Variants in COBL observed in about 807,000 individuals in gnomAD.
COBL encodes the protein protein cordon-bleu.
COBL carries 51 observed loss-of-function variants against 98.8 expected under a neutral mutation model. That is an observed-to-expected ratio of 0.52 (90% CI 0.41 to 0.65). The LOEUF (loss-of-function observed/expected upper bound fraction) is 0.65. Among genes scored for constraint, COBL ranks in the 30% least tolerant of loss-of-function variants. COBL has a pLI of 0.00. For missense variants in COBL, 1,617 were observed against 1,617.5 expected (o/e 1.00, Z 0.01); for synonymous variants, 634 against 651.7 (o/e 0.97, Z 0.41).
chr7:51,307,653 A>C (rs1370525714), intron 1 of COBL, among the ~76,000 whole-genome samples: 1 of 152,246 alleles, frequency 6.6e-6, no homozygotes, highest in East Asian at 1.9e-4. Flanking sequence ...CCAAACTGAC[A>C]TATTTTTCAG....
intron 2 of COBL, among the ~76,000 whole-genome samples, chr7:51,202,084 G>A (rs1584151002): frequency 6.6e-6 from 1 of 152,282 alleles, no homozygotes; most frequent in Admixed American, 6.5e-5. Context: ...TTGTGTTTCA[G>A]TCACCCTTAC....
chr7:51,034,941 C>T (rs994584600), intron 8 of COBL: 1 of 152,210 alleles, frequency 6.6e-6, no homozygotes, highest in Non-Finnish European at 1.5e-5. Flanking sequence ...GTTATTTTCT[C>T]ACACGGAGTT....
At chr7:51,245,871 T>C (rs1489658781) in intron 1 of COBL, among the ~76,000 whole-genome samples, 1 of 152,212 alleles carries the variant, frequency 6.6e-6, no homozygotes, top group African/African-American at 2.4e-5. Context: ...TATCAAATTA[T>C]GCAAAACAAA....
chr7:51,249,755 C>T (rs995368742), intron 1 of COBL, among the ~76,000 whole-genome samples: 2 of 152,144 alleles, frequency 1.3e-5, no homozygotes, highest in African/African-American at 4.8e-5. Context: ...CTAAACTGGG[C>T]ACAGAGGCTC....
chr7:51,118,831 G>A (rs1047163008), intron 6 of COBL, among the ~76,000 whole-genome samples: 3 of 152,058 alleles, frequency 2.0e-5, no homozygotes, highest in Admixed American at 6.6e-5. Flanking sequence ...AGCAAACTAC[G>A]CTCTACACTG....
At chr7:51,069,244 G>C (rs773840009) in intron 7 of COBL, among the ~76,000 whole-genome samples, 1 of 152,190 alleles carries the variant, frequency 6.6e-6, no homozygotes, top group Non-Finnish European at 1.5e-5. Context: ...GCAGAAACAG[G>C]CCAGAGATAC....
At chr7:51,267,384 G>A (rs1033803353) in intron 1 of COBL, among the ~76,000 whole-genome samples, 1 of 152,092 alleles carries the variant, frequency 6.6e-6, no homozygotes, top group African/African-American at 2.4e-5. Flanking sequence ...ACCTGCACTG[G>A]TGAGCAGGGG....
intron 1 of COBL, among the ~76,000 whole-genome samples, chr7:51,304,297 C>T (rs1441483465): frequency 6.6e-6 from 1 of 152,230 alleles, no homozygotes; most frequent in Admixed American, 6.5e-5. Context: ...TCTAACAAAG[C>T]TCTTCCAGTG....
rs114334021 is a variant in COBL, at chr7:51,219,143, A to C, written c.245+598T>G. 3.3e-3 allele frequency among the ~76,000 whole-genome samples: 503 copies of C among 152,356 alleles called. 4 individuals carry two copies. Among genetic ancestry groups the C allele is most frequent in the African/African-American group, 0.012 (482 of 41,582 alleles). ...GCCGCACCTTTTGTGAGTGAAGTGC[A>C]GTGAGACACTCAGCCACGGGCAGAT... On this transcript the variant is annotated intron_variant, in intron 2 of 12. Coordinates refer to ENST00000265136, the MANE Select transcript of COBL (RefSeq NM_015198.5).
intron 1 of COBL, among the ~76,000 whole-genome samples, chr7:51,304,773 C>T (rs945135065): frequency 1.3e-5 from 2 of 152,132 alleles, no homozygotes; most frequent in Non-Finnish European, 2.9e-5. Context: ...TGTGACAGGC[C>T]CTCCACTGAT....
intron 1 of COBL, among the ~76,000 whole-genome samples, chr7:51,298,342 G>T (rs1801610848): frequency 6.6e-6 from 1 of 152,248 alleles, no homozygotes. Flanking sequence ...CGTAGCAATA[G>T]GTAACTACTA....
chr7:51,226,360 T>C (rs1331498610), intron 1 of COBL, among the ~76,000 whole-genome samples: 1 of 152,186 alleles, frequency 6.6e-6, no homozygotes, highest in Admixed American at 6.5e-5. Context: ...CTTCATCCTG[T>C]TTACAAGCGG....
At chr7:51,303,630 T>A (rs1032560611) in intron 1 of COBL, among the ~76,000 whole-genome samples, 10 of 152,202 alleles carry the variant, frequency 6.6e-5, no homozygotes, top group Admixed American at 6.5e-4. Flanking sequence ...ATGAAGTTAA[T>A]GTGCCTGGGA....
intron 1 of COBL, among the ~76,000 whole-genome samples, chr7:51,229,101 C>A (rs1027303416): frequency 1.3e-5 from 2 of 152,154 alleles, no homozygotes; most frequent in Admixed American, 6.5e-5. Context: ...GGCTTTCTAC[C>A]GCACAGCCAA....
At position 51,027,902 on chromosome 7, in the gene COBL, T is replaced by C; in HGVS notation, c.3194A>G (p.Glu1065Gly). 1 of 1,614,194 alleles carries C rather than the reference T, an allele frequency of 6.2e-7. No homozygotes were observed. ...GSGTESHILL[E>G]REEKPSVFST... The stretch of plus-strand genomic sequence containing the variant: ...GAACACACTGGGCTTTTCCTCTCTT[T>C]CTAGGAGAATGTGGCTTTCTGTGCC... Residue 1065 changes from glutamate to glycine, a missense_variant, in exon 10 of 13, where the codon GAA (glutamate) becomes GGA (glycine). By Grantham distance (98) the Glu-to-Gly change is moderately conservative. This residue lies in a region of COBL where 1,304 missense variants were observed against 1,282.0 expected (regional missense o/e 1.02). Coordinates refer to ENST00000265136, the MANE Select transcript of COBL (RefSeq NM_015198.5).
chr7:51,159,474 TG>T (rs1786561997), intron 5 of COBL, among the ~76,000 whole-genome samples: 1 of 152,242 alleles, frequency 6.6e-6, no homozygotes, highest in Non-Finnish European at 1.5e-5. Flanking sequence ...TCACCTTCTC[TG>T]GTCTCTGAAG....
chr7:51,128,088 C>A (rs1056484354), intron 6 of COBL, among the ~76,000 whole-genome samples: 2 of 152,204 alleles, frequency 1.3e-5, no homozygotes, highest in Non-Finnish European at 2.9e-5. Context: ...AGAAACCCCA[C>A]CTTGATGGCG....
chr7:51,092,312 A>G (rs1353152467), intron 6 of COBL, among the ~76,000 whole-genome samples: 2 of 152,226 alleles, frequency 1.3e-5, no homozygotes, highest in South Asian at 2.1e-4. Flanking sequence ...TGGCAAAACT[A>G]TATTTCAAAA....
At chr7:51,149,311 C>T (rs966811576) in intron 5 of COBL, among the ~76,000 whole-genome samples, 1 of 152,172 alleles carries the variant, frequency 6.6e-6, no homozygotes, top group Non-Finnish European at 1.5e-5. Flanking sequence ...CTTTCCCCAC[C>T]TGTGGTCAAA....
Sources: gnomAD v4.1 joint callset for allele counts (sites outside exome capture counted in the v4.1 genomes callset) on GRCh38, gnomAD v4.1.1 for gene constraint, gnomAD v4.1.1 regional missense constraint, MANE v1.5 for transcripts, NCBI Gene and HGNC (gene_info 2026-07-23, HGNC 2026-07-21) for gene names.